Variants in CNTNAP2 observed in about 807,000 individuals in gnomAD.
CNTNAP2 encodes contactin-associated protein-like 2.
Under a neutral mutation model 155.2 loss-of-function variants are expected in CNTNAP2, and 98 were observed. That is an observed-to-expected ratio of 0.63 (90% CI 0.54 to 0.75). CNTNAP2 has a LOEUF of 0.75. Ranked by LOEUF, CNTNAP2 falls within the 30% of genes least tolerant of loss-of-function variation. CNTNAP2 has a pLI of 0.00. For missense variants in CNTNAP2, 1,727 were observed against 1,688.1 expected (o/e 1.02, Z -0.40); for synonymous variants, 651 against 631.2 (o/e 1.03, Z -0.47).
At chr7:147,879,126 T>G (rs1799475525) in intron 13 of CNTNAP2, among the ~76,000 whole-genome samples, 1 of 152,178 alleles carries the variant, frequency 6.6e-6, no homozygotes, top group Non-Finnish European at 1.5e-5. Flanking sequence ...TTTCTGAACA[T>G]GGTAATTTTT....
chr7:146,871,019 C>T lies in CNTNAP2; in HGVS notation c.402+31115C>T, dbSNP rs17170283. ...TATACATTACTTTGCTAAAAACTTA[C>T]AAATAGATGGACTCATTTATTTTAG... On this transcript the variant is annotated intron_variant, in intron 3 of 23. Transcript: ENST00000361727. 8.5e-5 allele frequency among the ~76,000 whole-genome samples: 13 copies of T among 152,154 alleles called. No individual in the cohort carries two copies. In the South Asian group the frequency reaches 2.3e-3, roughly 27 times the overall value.
chr7:147,346,545 G>T (rs530234221), intron 9 of CNTNAP2, among the ~76,000 whole-genome samples: 13 of 152,144 alleles, frequency 8.5e-5, no homozygotes, highest in Non-Finnish European at 1.3e-4. Flanking sequence ...TGCCTTTTCA[G>T]TAAAACATAT....
intron 1 of CNTNAP2, among the ~76,000 whole-genome samples, chr7:146,657,005 A>G (rs1451978763): frequency 6.6e-6 from 1 of 152,112 alleles, no homozygotes; most frequent in African/African-American, 2.4e-5. Context: ...ATATGATATC[A>G]CTTTGCTGCA....
chr7:147,886,530 T>C (rs1200568385), intron 13 of CNTNAP2, among the ~76,000 whole-genome samples: 2 of 139,292 alleles, frequency 1.4e-5, no homozygotes, highest in Non-Finnish European at 3.1e-5. Flanking sequence ...CTCTCTCTCT[T>C]GAAGTCGTAA....
At chr7:146,605,014 T>G (rs1197140977) in intron 1 of CNTNAP2, among the ~76,000 whole-genome samples, 1 of 144,646 alleles carries the variant, frequency 6.9e-6, no homozygotes, top group African/African-American at 2.5e-5. Context: ...GCATGGCACA[T>G]GTATACATAT....
intron 3 of CNTNAP2, among the ~76,000 whole-genome samples, chr7:146,855,487 C>T (rs1794956028): frequency 6.6e-6 from 1 of 151,890 alleles, no homozygotes; most frequent in South Asian, 2.1e-4. Context: ...GAAATAGATA[C>T]ACAGCAGCTG....
intron 13 of CNTNAP2, among the ~76,000 whole-genome samples, chr7:147,744,882 C>G (rs1033463177): frequency 9.9e-5 from 15 of 152,134 alleles, no homozygotes; most frequent in African/African-American, 3.6e-4. Context: ...CAAATACAGA[C>G]CTCCAAATTG....
At chr7:148,314,209 G>A (rs1797645674) in intron 21 of CNTNAP2, among the ~76,000 whole-genome samples, 1 of 152,104 alleles carries the variant, frequency 6.6e-6, no homozygotes, top group Admixed American at 6.6e-5. Flanking sequence ...GGGGACAGGT[G>A]GGAGGGAAAG....
intron 1 of CNTNAP2, among the ~76,000 whole-genome samples, chr7:146,609,972 T>C (rs759092328): frequency 6.1e-4 from 93 of 152,200 alleles, no homozygotes; most frequent in Non-Finnish European, 7.5e-4. Context: ...AATCAGAAAC[T>C]CTGAGGGCAG....
intron 11 of CNTNAP2, among the ~76,000 whole-genome samples, chr7:147,488,531 A>C (rs1013519721): frequency 7.1e-6 from 1 of 141,792 alleles, no homozygotes; most frequent in Non-Finnish European, 1.5e-5. Context: ...AATCATGCTA[A>C]TTATTTTAAA....
At chr7:146,596,110 C>T (rs911097391) in intron 1 of CNTNAP2, among the ~76,000 whole-genome samples, 2 of 151,826 alleles carry the variant, frequency 1.3e-5, no homozygotes, top group South Asian at 2.1e-4. Flanking sequence ...CAGCATGCTC[C>T]GGAGCAGACA....
At chr7:146,432,744 A>T (rs1369875670) in intron 1 of CNTNAP2, among the ~76,000 whole-genome samples, 2 of 152,166 alleles carry the variant, frequency 1.3e-5, no homozygotes, top group African/African-American at 4.8e-5. Context: ...CCTTATTTTT[A>T]AAGTGTGAAG....
At chr7:147,678,742 A>T (rs1298795546) in intron 13 of CNTNAP2, among the ~76,000 whole-genome samples, 1 of 151,960 alleles carries the variant, frequency 6.6e-6, no homozygotes, top group Non-Finnish European at 1.5e-5. Flanking sequence ...TTTGTAAACA[A>T]CCATATGTTA....
chr7:146,308,616 G>C (rs996895388), intron 1 of CNTNAP2, among the ~76,000 whole-genome samples: 2 of 152,124 alleles, frequency 1.3e-5, no homozygotes, highest in African/African-American at 4.8e-5. Context: ...AAGAAAATGT[G>C]GCACATATAC....
intron 1 of CNTNAP2, among the ~76,000 whole-genome samples, chr7:146,330,012 CTTTTTTTTTTTTT>C (rs748334732): frequency 1.3e-5 from 1 of 74,848 alleles, no homozygotes; most frequent in Non-Finnish European, 2.5e-5. Flanking sequence ...CAAGTACTTT[CTTTTTTTTTTTTT>C]TTTTTTTTTT....
In CNTNAP2 at chr7:146,915,104, C is replaced by T. The variant is rs536694166; in HGVS notation, c.402+75200C>T. Among the ~76,000 whole-genome samples, 7 of 151,894 alleles carry T rather than the reference C, an allele frequency of 4.6e-5. No individual in the cohort carries two copies. In the East Asian group the frequency reaches 1.4e-3, roughly 29 times the overall value. ...TTTCCCCACTTTATATTTTTGTTTC[C>T]TTTTTCAAAGATCAGTTGACTATAA... On this transcript the variant is annotated intron_variant, in intron 3 of 23. Transcript: ENST00000361727.
At chr7:146,698,753 C>T (rs954763279) in intron 1 of CNTNAP2, among the ~76,000 whole-genome samples, 69 of 152,046 alleles carry the variant, frequency 4.5e-4, no homozygotes, top group South Asian at 2.1e-4. Flanking sequence ...ATATTATTTG[C>T]GTTATGCACA....
intron 3 of CNTNAP2, among the ~76,000 whole-genome samples, chr7:146,928,169 A>C (rs1796648612): frequency 6.6e-6 from 1 of 152,066 alleles, no homozygotes; most frequent in Admixed American, 6.6e-5. Flanking sequence ...CCAGTGTAAA[A>C]ATAAAAAGTA....
intron 1 of CNTNAP2, among the ~76,000 whole-genome samples, chr7:146,769,638 A>T (rs1388271128): frequency 1.3e-5 from 2 of 152,146 alleles, no homozygotes; most frequent in Admixed American, 1.3e-4. Flanking sequence ...TCTATTCATT[A>T]ATTATATGGC....
Sources: gnomAD v4.1 joint callset for allele counts (sites outside exome capture counted in the v4.1 genomes callset) on GRCh38, gnomAD v4.1.1 for gene constraint, MANE v1.5 for transcripts, NCBI Gene and HGNC (gene_info 2026-07-23, HGNC 2026-07-21) for gene names.